Variants in METTL15 observed in about 807,000 individuals in gnomAD.
METTL15 encodes methyltransferase 15, mitochondrial 12S rRNA N4-cytidine.
A neutral mutation model predicts 38.3 loss-of-function variants in METTL15; 34 were observed. The ratio of observed to expected loss-of-function variants is 0.89; its 90% CI spans 0.68 to 1.18. The LOEUF is 1.18. Among genes scored for constraint, METTL15 ranks in the 50% most tolerant of loss-of-function variants. METTL15 has a pLI of 0.00. For synonymous variants in METTL15, 162 were observed against 170.9 expected, an observed-to-expected ratio of 0.95 and a Z score of 0.41; for missense variants, 438 against 498.4, an observed-to-expected ratio of 0.88 and a Z score of 1.15.
chr11:28,349,674 G>T (rs1850025613), intron 3 of METTL15, among the ~76,000 whole-genome samples: 1 of 151,900 alleles, frequency 6.6e-6, no homozygotes, highest in Non-Finnish European at 1.5e-5. Context: ...TATTTAATCT[G>T]CCCAGTTCTT....
intron 3 of METTL15, among the ~76,000 whole-genome samples, chr11:28,202,277 G>C (rs1252345370): frequency 6.6e-6 from 1 of 152,198 alleles, no homozygotes; most frequent in East Asian, 1.9e-4. Context: ...TGGGTTTGGA[G>C]TATATGGGAG....
intron 5 of METTL15, among the ~76,000 whole-genome samples, chr11:28,420,966 G>C (rs997466456): frequency 6.6e-6 from 1 of 151,838 alleles, no homozygotes; most frequent in African/African-American, 2.4e-5. Context: ...CTTTTAGCCA[G>C]ATTAGCTAAG....
At chr11:28,113,879 T>G (rs1449909259) in intron 3 of METTL15, among the ~76,000 whole-genome samples, 3 of 152,204 alleles carry the variant, frequency 2.0e-5, no homozygotes, top group African/African-American at 7.2e-5. Context: ...TTAGCTGATT[T>G]TGCCTAACTG....
rs1851520822 is a variant in METTL15, at chr11:28,187,036, T to A, written c.271-24026T>A. Among the ~76,000 whole-genome samples the A allele has an allele frequency of 2.0e-5, 3 of 151,386 alleles. No homozygotes were observed. The South Asian group carries it at 6.2e-4, about 31-fold the overall frequency. On this transcript the variant is annotated intron_variant, in intron 3 of 6. Coordinates refer to ENST00000407364, the MANE Select transcript of METTL15 (RefSeq NM_001113528.2). ...AAAGCAATGTTTTTCTTCATGAGCTTGATTAAACTGGAATAACCTTAAACA... is the reference window on the plus strand; with the variant it reads ...AAAGCAATGTTTTTCTTCATGAGCTAGATTAAACTGGAATAACCTTAAACA...
chr11:28,112,867 A>G (rs2133587007), intron 2 of METTL15, among the ~76,000 whole-genome samples: 1 of 152,316 alleles, frequency 6.6e-6, no homozygotes, highest in East Asian at 1.9e-4. Context: ...AACAAATACA[A>G]GAGCTTGAAA....
At chr11:28,530,480 T>C (rs1851838251), downstream of METTL15, among the ~76,000 whole-genome samples, 1 of 152,138 alleles carries the variant, frequency 6.6e-6, no homozygotes, top group East Asian at 1.9e-4. Context: ...AGCTCTAGAA[T>C]TATGGGCAGC....
intron 3 of METTL15, among the ~76,000 whole-genome samples, chr11:28,348,137 G>T (rs1357670315): frequency 6.6e-6 from 1 of 152,062 alleles, no homozygotes. Flanking sequence ...TCTACTTCTT[G>T]TTCCCTTTGT....
At chr11:28,520,035 C>CA (rs1851752351) in intron 6 of METTL15, among the ~76,000 whole-genome samples, 1 of 152,190 alleles carries the variant, frequency 6.6e-6, no homozygotes, top group African/African-American at 2.4e-5. Context: ...ACTTTTTACT[C>CA]AGTCACATAA....
At chr11:28,190,059 A>G (rs1851644428) in intron 3 of METTL15, among the ~76,000 whole-genome samples, 1 of 151,068 alleles carries the variant, frequency 6.6e-6, no homozygotes, top group Non-Finnish European at 1.5e-5. Flanking sequence ...TACTTTATTG[A>G]CTACTTTAAT....
chr11:28,187,169 T>A (rs1851527355), intron 3 of METTL15, among the ~76,000 whole-genome samples: 1 of 151,286 alleles, frequency 6.6e-6, no homozygotes, highest in South Asian at 2.1e-4. Context: ...ATTAACTAAA[T>A]TTATCCAGTA....
chr11:28,470,487 G>A (rs964662884), intron 6 of METTL15, among the ~76,000 whole-genome samples: 1 of 152,192 alleles, frequency 6.6e-6, no homozygotes, highest in Middle Eastern at 3.4e-3. Context: ...CTACTTAAGG[G>A]GATGTGACTG....
At chr11:28,134,065 C>A (rs1389999419) in intron 3 of METTL15, among the ~76,000 whole-genome samples, 1 of 152,114 alleles carries the variant, frequency 6.6e-6, no homozygotes, top group Admixed American at 6.6e-5. Flanking sequence ...ATTCAAAGAA[C>A]AGGAAAGATA....
chr11:28,214,377 C>CT lies in METTL15; in HGVS notation c.407+3180dup, dbSNP rs760897584. Among the ~76,000 whole-genome samples, 4 of 152,044 alleles carry CT rather than the reference C, an allele frequency of 2.6e-5. No homozygotes were observed. The South Asian group carries it at 8.3e-4, about 32-fold the overall frequency. Reference sequence around the variant, plus strand: ...GAGATAGTATAAAAAGGAAAAAGGTCTAAGTTTGCTGAAGTATAGAAATAC... The same window carrying CT: ...GAGATAGTATAAAAAGGAAAAAGGTCTTAAGTTTGCTGAAGTATAGAAATAC... On this transcript the variant is annotated intron_variant, in intron 4 of 6. Coordinates refer to ENST00000407364, the MANE Select transcript of METTL15 (RefSeq NM_001113528.2).
At chr11:28,262,950 T>G (rs1263402594) in intron 4 of METTL15, among the ~76,000 whole-genome samples, 1 of 152,098 alleles carries the variant, frequency 6.6e-6, no homozygotes, top group South Asian at 2.1e-4. Context: ...ATCTTGAGAT[T>G]TTAATATTTT....
At chr11:28,236,291 G>T (rs1389059454) in intron 4 of METTL15, among the ~76,000 whole-genome samples, 1 of 152,126 alleles carries the variant, frequency 6.6e-6, no homozygotes, top group Non-Finnish European at 1.5e-5. Flanking sequence ...GTCTCTGCCT[G>T]GCTTTGGTGT....
At chr11:28,255,364 A>T (rs1854928738) in intron 4 of METTL15, among the ~76,000 whole-genome samples, 1 of 152,168 alleles carries the variant, frequency 6.6e-6, no homozygotes, top group East Asian at 1.9e-4. Flanking sequence ...AATCTTTAGG[A>T]TTTTCTAAAT....
chr11:28,136,319 A>G (rs1369454637), intron 3 of METTL15, among the ~76,000 whole-genome samples: 1 of 152,076 alleles, frequency 6.6e-6, no homozygotes, highest in Admixed American at 6.6e-5. Flanking sequence ...AGTAAGTCTC[A>G]CGAGATCTGA....
At chr11:28,114,766 T>A (rs1851870382) in intron 3 of METTL15, among the ~76,000 whole-genome samples, 1 of 152,154 alleles carries the variant, frequency 6.6e-6, no homozygotes, top group African/African-American at 2.4e-5. Flanking sequence ...CAAGTTTTGG[T>A]ATGTACATAT....
intron 4 of METTL15, among the ~76,000 whole-genome samples, chr11:28,230,074 G>A (rs1401549591): frequency 6.6e-6 from 1 of 151,818 alleles, no homozygotes; most frequent in Non-Finnish European, 1.5e-5. Flanking sequence ...TTGTTCTGAA[G>A]CCTGAAAATT....
Sources: gnomAD v4.1 joint callset for allele counts (sites outside exome capture counted in the v4.1 genomes callset) on GRCh38, gnomAD v4.1.1 for gene constraint, MANE v1.5 for transcripts, NCBI Gene and HGNC (gene_info 2026-07-23, HGNC 2026-07-21) for gene names.